The following SKIL variants were observed in gnomAD, a reference collection of about 807,000 sequenced individuals.
The protein encoded by SKIL is SKI like proto-oncogene, also known as ski-like protein.
SKIL carries 20 observed loss-of-function variants against 69.6 expected under a neutral mutation model. That is an observed-to-expected ratio of 0.29 (90% CI 0.20 to 0.42). The LOEUF (loss-of-function observed/expected upper bound fraction) is 0.42, where lower values mean the gene tolerates loss of function less well. Ranked by LOEUF, SKIL falls within the 10% of genes least tolerant of loss-of-function variation. SKIL has a pLI of 1.00. For missense variants in SKIL, 745 were observed against 783.1 expected (o/e 0.95, Z 0.58); for synonymous variants, 310 against 279.9 (o/e 1.11, Z -1.08).
At chr3:170,367,118 T>C (rs949750151) in intron 2 of SKIL, among the ~76,000 whole-genome samples, 10 of 152,078 alleles carry the variant, frequency 6.6e-5, no homozygotes, top group African/African-American at 2.4e-4. Flanking sequence ...TGTTTGTTTG[T>C]TTTTTTTGAG....
At chr3:170,387,925 C>T (rs1351695443) in intron 4 of SKIL, among the ~76,000 whole-genome samples, 2 of 97,814 alleles carry the variant, frequency 2.0e-5, no homozygotes, top group Admixed American at 2.4e-4. Flanking sequence ...CAGAGCGAGA[C>T]TCCGTCTCAA....
chr3:170,385,753 T>A (rs112672480), intron 4 of SKIL, among the ~76,000 whole-genome samples: 28 of 152,242 alleles, frequency 1.8e-4, no homozygotes, highest in African/African-American at 6.5e-4. Context: ...ATTTAAGTTT[T>A]TATAGAGAAT....
At chr3:170,384,094 T>C (rs573553243) in intron 3 of SKIL, among the ~76,000 whole-genome samples, 8 of 151,676 alleles carry the variant, frequency 5.3e-5, no homozygotes, top group Non-Finnish European at 1.0e-4. Flanking sequence ...CTTATGCCTG[T>C]AATCCTAGTG....
chr3:170,382,421 T>A (rs974448842), intron 3 of SKIL, among the ~76,000 whole-genome samples: 3 of 151,252 alleles, frequency 2.0e-5, no homozygotes, highest in Non-Finnish European at 4.4e-5. Flanking sequence ...TGATTTTTTT[T>A]TTTTTTTTTT....
At chr3:170,377,798 C>T (rs1737108518) in intron 2 of SKIL, among the ~76,000 whole-genome samples, 1 of 150,694 alleles carries the variant, frequency 6.6e-6, no homozygotes, top group South Asian at 2.1e-4. Context: ...TCGTGATCCA[C>T]CCGCCTTGGC....
chr3:170,366,104 G>C (rs963567651), intron 2 of SKIL, among the ~76,000 whole-genome samples: 2 of 139,070 alleles, frequency 1.4e-5, no homozygotes, highest in African/African-American at 5.4e-5. Flanking sequence ...AACGTGTTAT[G>C]TAAAGGACCT....
At chr3:170,362,735 A>G (rs1736305055) in intron 2 of SKIL, among the ~76,000 whole-genome samples, 1 of 151,570 alleles carries the variant, frequency 6.6e-6, no homozygotes, top group Non-Finnish European at 1.5e-5. Context: ...GAATCGCTTG[A>G]ACCTGGGAAG....
chr3:170,392,582 T>G lies in SKIL; in HGVS notation c.*165T>G. On this transcript the variant is annotated 3_prime_UTR_variant, in exon 7 of 7. Transcript: ENST00000259119. The stretch of plus-strand genomic sequence containing the variant: ...AGAGATTATATATTAGTACTTAAAT[T>G]TTTACATTTTCCAAATGAATGAAAA... 1 of 418,172 alleles carries G rather than the reference T, an allele frequency of 2.4e-6. No individual in the cohort carries two copies. The highest frequency in any genetic ancestry group is 3.7e-5 in the East Asian group (1 of 27,304). The allele number at this position is 418,172 out of a possible 1,614,324, so 25.9% of individuals were successfully genotyped here.
intron 4 of SKIL, among the ~76,000 whole-genome samples, chr3:170,387,930 T>A: frequency 2.6e-5 from 1 of 38,504 alleles, no homozygotes; most frequent in African/African-American, 1.1e-4. Context: ...CGAGACTCCG[T>A]CTCAAAAAAA....
At chr3:170,365,900 C>T (rs1008417411) in intron 2 of SKIL, among the ~76,000 whole-genome samples, 1 of 151,922 alleles carries the variant, frequency 6.6e-6, no homozygotes, top group South Asian at 2.1e-4. Flanking sequence ...CAATTACAGG[C>T]GTCTGCCACC....
At chr3:170,364,340 T>G (rs1736395694) in intron 2 of SKIL, among the ~76,000 whole-genome samples, 1 of 53,372 alleles carries the variant, frequency 1.9e-5, no homozygotes, top group East Asian at 6.4e-4. Flanking sequence ...TTTTTTTTTT[T>G]GAGACAGAGT....
rs1195478829 is a variant in SKIL at position 170,360,130 on chromosome 3, G to GA, written c.-201dup. 1 of 484,506 alleles carries GA rather than the reference G, an allele frequency of 2.1e-6. No homozygotes were observed. Among genetic ancestry groups the GA allele is most frequent in the African/African-American group, 2.0e-5 (1 of 50,218 alleles). The allele number at this position is 484,506 out of a possible 1,614,324, so 30.0% of individuals were successfully genotyped here. A position where few individuals can be genotyped will look rare whatever the true frequency, so the allele number is the denominator to read the frequency against. On this transcript the variant is annotated 5_prime_UTR_variant, in exon 2 of 7. Transcript: ENST00000259119. ...AGAGGCAAAACGAACAATTTTATAG[G>GA]ATTTGTAGTGAAATTATACCAGATT...
intron 2 of SKIL, among the ~76,000 whole-genome samples, chr3:170,375,751 A>AG (rs1560213531): frequency 6.6e-6 from 1 of 151,028 alleles, no homozygotes; most frequent in South Asian, 2.1e-4. Context: ...ATTAAAAACA[A>AG]TTTTTTTTGT....
At chr3:170,373,409 C>T (rs1347478054) in intron 2 of SKIL, among the ~76,000 whole-genome samples, 1 of 83,320 alleles carries the variant, frequency 1.2e-5, no homozygotes, top group Non-Finnish European at 2.8e-5. Context: ...GAACTCCTGA[C>T]CTCAGGTGAT....
At chr3:170,387,196 T>C (rs1462092364) in intron 4 of SKIL, among the ~76,000 whole-genome samples, 1 of 152,050 alleles carries the variant, frequency 6.6e-6, no homozygotes, top group Non-Finnish European at 1.5e-5. Flanking sequence ...TTTTTTGTAT[T>C]ATTAGTAAGA....
At chr3:170,369,832 T>G (rs1329804885) in intron 2 of SKIL, among the ~76,000 whole-genome samples, 2 of 152,230 alleles carry the variant, frequency 1.3e-5, no homozygotes, top group Non-Finnish European at 2.9e-5. Flanking sequence ...GAATCTGTAT[T>G]TTGTTCACAT....
Position 170,390,451 on chromosome 3 carries a change from A to G in SKIL, c.1658A>G (p.Gln553Arg). The G allele has an allele frequency of 6.2e-7, 1 of 1,609,664 alleles. No homozygotes were observed. ...EKLNLILQKKQQLQMEVKMLS... is the reference protein window; with the variant it reads ...EKLNLILQKKRQLQMEVKMLS... ...CTAAACTTGATTTTGCAAAAGAAGC[A>G]ACAACTTCAGATGGTAAAATTGTTA... The change falls in exon 5 of 7, where the codon CAA (glutamine) becomes CGA (arginine). Residue 553 changes from glutamine to arginine, a missense_variant. Gln to Arg is a conservative substitution (Grantham distance 43). Transcript: ENST00000259119.
Position 170,360,973 on chromosome 3 carries a change from T to G in SKIL, c.642T>G (p.Asn214Lys). 6.2e-7 allele frequency: 1 copy of G among 1,614,218 alleles called. No individual in the cohort carries two copies. Residue 214 changes from asparagine (N) to lysine (K), a missense_variant, in exon 2 of 7, where the codon AAT becomes AAG. Coordinates refer to ENST00000259119, the MANE Select transcript of SKIL (RefSeq NM_005414.5). ...ILKVLGILPF[N>K]APSCGLITLT... ...AGGTACTGGGCATACTTCCATTCAATGCCCCATCCTGTGGGCTGATTACAT... is the reference window on the plus strand; with the variant it reads ...AGGTACTGGGCATACTTCCATTCAAGGCCCCATCCTGTGGGCTGATTACAT...
At chr3:170,358,218 C>G (rs1511175) in intron 1 of SKIL, among the ~76,000 whole-genome samples, 138,931 of 152,102 alleles carry the variant, frequency 0.91, 63,585 homozygotes, top group East Asian at 0.98. Flanking sequence ...GGGGCTGGCG[C>G]GGGGAGGTGC....
Sources: allele counts gnomAD v4.1 joint callset (sites outside exome capture counted in the v4.1 genomes callset), GRCh38; gene constraint gnomAD v4.1.1; transcripts MANE v1.5; gene names NCBI Gene and HGNC (gene_info 2026-07-23, HGNC 2026-07-21).